SGIP1: variants seen among roughly 807,000 people sequenced by gnomAD.
SGIP1 encodes the protein SH3-containing GRB2-like protein 3-interacting protein 1.
A neutral mutation model predicts 107.5 loss-of-function variants in SGIP1; 38 were observed. That is an observed-to-expected ratio of 0.35 (90% confidence interval 0.27 to 0.46). The LOEUF (loss-of-function observed/expected upper bound fraction) is 0.46. SGIP1 is among the 20% of genes least tolerant of loss of function. SGIP1 has a pLI of 1.00. For missense variants in SGIP1, 929 were observed against 1,019.5 expected, an observed-to-expected ratio of 0.91 and a Z score of 1.21; for synonymous variants, 365 against 366.1, an observed-to-expected ratio of 1.00 and a Z score of 0.03.
chr1:66,572,601 T>C (rs2060527269), intron 1 of SGIP1, among the ~76,000 whole-genome samples: 1 of 152,098 alleles, frequency 6.6e-6, no homozygotes, highest in Non-Finnish European at 1.5e-5. Context: ...ACTTCCCTTT[T>C]GTTTTTTTCA....
intron 1 of SGIP1, among the ~76,000 whole-genome samples, chr1:66,602,057 T>A (rs1411302032): frequency 6.6e-6 from 1 of 152,126 alleles, no homozygotes; most frequent in African/African-American, 2.4e-5. Flanking sequence ...TAACATCAGG[T>A]GTACATAGAG....
intron 5 of SGIP1, among the ~76,000 whole-genome samples, chr1:66,640,807 G>A (rs2076644787): frequency 6.8e-6 from 1 of 147,438 alleles, no homozygotes. Flanking sequence ...TCTGAGAACT[G>A]AAGAAGGAGG....
rs1315351944 is a variant in SGIP1, at chr1:66,589,176, A to G, written c.11-36671A>G. On this transcript the variant is annotated intron_variant, in intron 1 of 24. Transcript: ENST00000371037. ...GATAAAAGTTTACATATATATATAT[A>G]TATATATATATATATATATATATAT... 3.0e-3 allele frequency among the ~76,000 whole-genome samples: 60 copies of G among 19,964 alleles called. 3 individuals carry two copies. The highest frequency in any genetic ancestry group is 1.9e-3 in the Non-Finnish European group (23 of 12,042). 13.1% of individuals were successfully genotyped at this position (19,964 alleles called of 152,430 possible). A position where few individuals can be genotyped will look rare whatever the true frequency, so the allele number is the denominator to read the frequency against.
intron 1 of SGIP1, among the ~76,000 whole-genome samples, chr1:66,578,554 G>A (rs2061396020): frequency 6.6e-6 from 1 of 152,206 alleles, no homozygotes; most frequent in East Asian, 1.9e-4. Context: ...TTCTTAAGGG[G>A]GTATTGAGGC....
intron 1 of SGIP1, among the ~76,000 whole-genome samples, chr1:66,542,049 C>T (rs2055083726): frequency 6.6e-6 from 1 of 151,958 alleles, no homozygotes; most frequent in Non-Finnish European, 1.5e-5. Flanking sequence ...TCCAAGATCC[C>T]CAGCGGATGC....
At chr1:66,565,683 G>A (rs530802686) in intron 1 of SGIP1, among the ~76,000 whole-genome samples, 12 of 151,994 alleles carry the variant, frequency 7.9e-5, no homozygotes, top group African/African-American at 1.4e-4. Context: ...AGCTGGTCAC[G>A]GTGGAATCCA....
intron 19 of SGIP1, among the ~76,000 whole-genome samples, chr1:66,722,781 T>A (rs1241671301): frequency 6.6e-6 from 1 of 152,170 alleles, no homozygotes; most frequent in Non-Finnish European, 1.5e-5. Context: ...AGGGTTTTCA[T>A]CCTGGTTCAG....
rs1160652061 is a variant in SGIP1, at chr1:66,703,307, G to A, written c.1630+7814G>A. Among the ~76,000 whole-genome samples the A allele has an allele frequency of 4.6e-5, 7 of 152,238 alleles. No individual in the cohort carries two copies. The South Asian group carries it at 1.2e-3, about 27-fold the overall frequency. On this transcript the variant is annotated intron_variant, in intron 18 of 24. Transcript: ENST00000371037. Reference sequence around the variant, plus strand: ...AAGGCAATGGTAGAATTGCAAAAATGTTCTAGTAGGGTGATGGAAGAAACG... The same window carrying A: ...AAGGCAATGGTAGAATTGCAAAAATATTCTAGTAGGGTGATGGAAGAAACG...
chr1:66,581,051 T>C (rs2061754476), intron 1 of SGIP1, among the ~76,000 whole-genome samples: 1 of 152,094 alleles, frequency 6.6e-6, no homozygotes, highest in Non-Finnish European at 1.5e-5. Context: ...TTTGGGGAAA[T>C]TTTGTAACAT....
At chr1:66,652,040 G>A (rs1478256858) in intron 7 of SGIP1, among the ~76,000 whole-genome samples, 3 of 152,016 alleles carry the variant, frequency 2.0e-5, no homozygotes, top group Admixed American at 6.6e-5. Context: ...CCTATTTTAC[G>A]GAGAAACCAG....
intron 1 of SGIP1, among the ~76,000 whole-genome samples, chr1:66,588,269 G>C (rs1298292584): frequency 3.3e-5 from 5 of 151,058 alleles, no homozygotes; most frequent in Admixed American, 2.6e-4. Flanking sequence ...AAACATCAGA[G>C]TATTAAGGCA....
rs556882627 is a variant in SGIP1, at chr1:66,676,580, C to A, written c.647-424C>A. Among the ~76,000 whole-genome samples the A allele has an allele frequency of 2.0e-5, 3 of 151,976 alleles. No individual in the cohort carries two copies. The East Asian group carries it at 5.8e-4, about 29-fold the overall frequency. On this transcript the variant is annotated intron_variant, in intron 12 of 24. Transcript: ENST00000371037. The stretch of plus-strand genomic sequence containing the variant: ...TAGGAACCACTGCATAGAATGCAGG[C>A]GTTTTCAGTTTTGAAGCATATTTAT...
At chr1:66,601,090 G>A (rs957082322) in intron 1 of SGIP1, among the ~76,000 whole-genome samples, 4 of 152,270 alleles carry the variant, frequency 2.6e-5, no homozygotes, top group South Asian at 2.1e-4. Context: ...AAGGCCGGGC[G>A]CGGTGGCTCA....
chr1:66,674,924 A>G (rs943802894), intron 12 of SGIP1, among the ~76,000 whole-genome samples: 3 of 152,250 alleles, frequency 2.0e-5, no homozygotes, highest in Non-Finnish European at 4.4e-5. Context: ...GCAGTCAGCC[A>G]CACCTGAATA....
chr1:66,679,736 C>T lies in SGIP1; in HGVS notation c.798C>T (p.Pro266=), dbSNP rs745380535. The part of the protein sequence containing the change: ...VPATPPRTGS[P]LTIGPGNDQS... ...CTACCCCACCCCGAACAGGATCCCC[C>T]TTAACAATTGGACCAGGTACGCTTT... Residue 266 remains proline, a synonymous_variant, in exon 14 of 25, where the codon CCC becomes CCT. Transcript: ENST00000371037. 6.2e-7 allele frequency: 1 copy of T among 1,601,602 alleles called. No individual in the cohort carries two copies. Among genetic ancestry groups the T allele is most frequent in the Non-Finnish European group, 8.5e-7 (1 of 1,176,764 alleles).
rs1372207225 is a variant in SGIP1 at position 66,679,675 on chromosome 1, C to T, written c.740-3C>T. ...TGATACTTAATTTCTCATCTTTTTG[C>T]AGCACCTCCACCACTGCCTCCAAAA... On this transcript the variant is annotated splice_polypyrimidine_tract_variant and splice_region_variant and intron_variant, in intron 13 of 24. Transcript: ENST00000371037. The T allele has an allele frequency of 1.9e-6, 3 of 1,602,486 alleles. No individual in the cohort carries two copies. The highest frequency in any genetic ancestry group is 2.5e-6 in the Non-Finnish European group (3 of 1,176,610).
chr1:66,665,350 C>T (rs887298034), intron 8 of SGIP1, among the ~76,000 whole-genome samples: 4 of 152,254 alleles, frequency 2.6e-5, no homozygotes, highest in African/African-American at 4.8e-5. Context: ...ATGTGCCACA[C>T]TTTCTTAATC....
intron 18 of SGIP1, among the ~76,000 whole-genome samples, chr1:66,703,414 G>A (rs2092170217): frequency 6.6e-6 from 1 of 151,876 alleles, no homozygotes; most frequent in Non-Finnish European, 1.5e-5. Flanking sequence ...GAAAATCTTA[G>A]GTGATATGTA....
chr1:66,663,167 A>C (rs1018855379), intron 8 of SGIP1, among the ~76,000 whole-genome samples: 1 of 152,124 alleles, frequency 6.6e-6, no homozygotes, highest in South Asian at 2.1e-4. Flanking sequence ...GAACAGTGGC[A>C]AGTTTTCCAG....
Sources: gnomAD v4.1 joint callset for allele counts (sites outside exome capture counted in the v4.1 genomes callset) on GRCh38, gnomAD v4.1.1 for gene constraint, MANE v1.5 for transcripts, NCBI Gene and HGNC (gene_info 2026-07-23, HGNC 2026-07-21) for gene names.